The following HECW2 variants were observed in gnomAD, a reference collection of about 807,000 sequenced individuals.
The protein encoded by HECW2 is E3 ubiquitin-protein ligase HECW2.
Under a neutral mutation model 175.2 loss-of-function variants are expected in HECW2, and 61 were observed. That is an observed-to-expected ratio of 0.35 (90% CI 0.28 to 0.43). The LOEUF is 0.43. Among genes scored for constraint, HECW2 ranks in the 20% least tolerant of loss-of-function variants. The pLI, the probability that HECW2 is intolerant of heterozygous loss-of-function variation, is 1.00. For missense variants in HECW2, 1,524 were observed against 2,000.5 expected, an observed-to-expected ratio of 0.76 and a Z score of 4.54; for synonymous variants, 671 against 731.0, an observed-to-expected ratio of 0.92 and a Z score of 1.32.
chr2:196,368,967 T>G (rs1175983842), intron 2 of HECW2, among the ~76,000 whole-genome samples: 1 of 152,172 alleles, frequency 6.6e-6, no homozygotes, highest in Non-Finnish European at 1.5e-5. Context: ...TCTCCAGGAT[T>G]GGTCACCAGT....
chr2:196,313,057 A>G (rs1199179542), intron 10 of HECW2, among the ~76,000 whole-genome samples: 1 of 152,234 alleles, frequency 6.6e-6, no homozygotes, highest in African/African-American at 2.4e-5. Flanking sequence ...GGATCCTATC[A>G]GAGTCCACTA....
chr2:196,516,165 C>G (rs114719257), intron 1 of HECW2, among the ~76,000 whole-genome samples: 1,857 of 152,056 alleles, frequency 0.012, 44 homozygotes, highest in African/African-American at 0.043. Context: ...AAACAAAAAC[C>G]TGAAATATTT....
rs1575409255 is a variant in HECW2, at chr2:196,319,339, T to G, written c.1551A>C (p.Glu517Asp). Residue 517 changes from glutamate (E) to aspartate (D), a missense_variant, in exon 9 of 29, where the codon GAA (glutamate) becomes GAC (aspartate). Coordinates refer to ENST00000644978, the MANE Select transcript of HECW2 (RefSeq NM_001348768.2). ...AGGAAGCAGCTTCGTGTGTGGAGGC[T>G]TCCTCATTCTCAACAGGGTTGTCCT... ...KLEDNPVENEEASTHEAASFE... is the reference protein window; with the variant it reads ...KLEDNPVENEDASTHEAASFE... The G allele has an allele frequency of 6.2e-7, 1 of 1,614,178 alleles. No homozygotes were observed. Among genetic ancestry groups the G allele is most frequent in the Non-Finnish European group, 8.5e-7 (1 of 1,180,028 alleles).
chr2:196,329,691 T>C (rs1413621559), intron 4 of HECW2, 41 bp from the exon 5 acceptor site: 2 of 1,509,304 alleles, frequency 1.3e-6, no homozygotes, highest in Middle Eastern at 1.7e-4. Context: ...CAGAAGCATA[T>C]GATGCCACTG....
intron 2 of HECW2, among the ~76,000 whole-genome samples, chr2:196,413,781 ACT>A (rs1405096707): frequency 6.6e-6 from 1 of 152,000 alleles, no homozygotes; most frequent in African/African-American, 2.4e-5. Flanking sequence ...GCTCTTTTCC[ACT>A]CTCTAATCTG....
intron 1 of HECW2, among the ~76,000 whole-genome samples, chr2:196,514,341 C>T (rs576408021): frequency 1.7e-4 from 26 of 152,314 alleles, no homozygotes; most frequent in Non-Finnish European, 3.5e-4. Context: ...TGGGCACCAA[C>T]CAGCACAGGA....
chr2:196,348,639 C>A (rs1046947162), intron 2 of HECW2, among the ~76,000 whole-genome samples: 5 of 151,884 alleles, frequency 3.3e-5, no homozygotes, highest in African/African-American at 1.2e-4. Flanking sequence ...CAGAGCAAGA[C>A]CCTAACTCAA....
chr2:196,284,891 A>G (rs970179830), intron 14 of HECW2, among the ~76,000 whole-genome samples: 21 of 152,198 alleles, frequency 1.4e-4, no homozygotes, highest in African/African-American at 5.1e-4. Context: ...TCCTTTTCAC[A>G]TTGGCTACTA....
In HECW2 at chr2:196,404,979, C is replaced by T. The variant is rs1307995862; in HGVS notation, c.292+28153G>A. ...AGCTGGGACTACAGGTGTCCGCCAC[C>T]ACTCCCGGCAAATTTTTTTTTTTTT... On this transcript the variant is annotated intron_variant, in intron 2 of 28. Transcript: ENST00000644978. 5.1e-5 allele frequency among the ~76,000 whole-genome samples: 6 copies of T among 118,128 alleles called. No homozygotes were observed. In the East Asian group the frequency reaches 1.5e-3, roughly 30 times the overall value. The allele number at this position is 118,128 out of a possible 152,430, so 77.5% of individuals were successfully genotyped here.
Position 196,331,391 on chromosome 2 carries a change from T to TGA in HECW2, c.496-1743_496-1742dup, listed in dbSNP as rs540755930. 5.1e-4 allele frequency: 278 copies of TGA among 546,752 alleles called. 1 individual carries two copies. The African/African-American group carries it at 5.3e-3, about 10-fold the overall frequency. 33.9% of individuals were successfully genotyped at this position (546,752 alleles called of 1,614,324 possible). The stretch of plus-strand genomic sequence containing the variant: ...ACCACACACTACGCTGGACTATGAC[T>TGA]GAGACACACCCTCGGTAACCTGCCA... On this transcript the variant is annotated intron_variant, in intron 4 of 28. Coordinates refer to ENST00000644978, the MANE Select transcript of HECW2 (RefSeq NM_001348768.2).
rs1028059712 is a variant in HECW2 at position 196,199,643 on chromosome 2, C to T, written c.*1634G>A. The T allele has an allele frequency of 4.6e-5, 7 of 152,428 alleles. No homozygotes were observed. The highest frequency in any genetic ancestry group is 7.4e-5 in the Non-Finnish European group (5 of 68,002). 9.4% of individuals were successfully genotyped at this position (152,428 alleles called of 1,614,324 possible). A position where few individuals can be genotyped will look rare whatever the true frequency, so the allele number is the denominator to read the frequency against. On this transcript the variant is annotated 3_prime_UTR_variant, in exon 29 of 29. Coordinates refer to ENST00000644978, the MANE Select transcript of HECW2 (RefSeq NM_001348768.2). ...GAAATGTTTGGGCAATGCCTGTAAACCCATAGGCTGGCAAACCATATGTCA... is the reference window on the plus strand; with the variant it reads ...GAAATGTTTGGGCAATGCCTGTAAATCCATAGGCTGGCAAACCATATGTCA...
chr2:196,295,441 T>G (rs1368064103), intron 13 of HECW2, among the ~76,000 whole-genome samples: 1 of 152,180 alleles, frequency 6.6e-6, no homozygotes, highest in Non-Finnish European at 1.5e-5. Flanking sequence ...CAAGTTAGAG[T>G]CCTGAGACCA....
At chr2:196,440,005 A>C (rs1695993482) in intron 1 of HECW2, among the ~76,000 whole-genome samples, 1 of 152,210 alleles carries the variant, frequency 6.6e-6, no homozygotes, top group Non-Finnish European at 1.5e-5. Flanking sequence ...AATTAGGACT[A>C]AATTGTGGAT....
chr2:196,290,937 T>C (rs1690580211), intron 14 of HECW2: 1 of 152,204 alleles, frequency 6.6e-6, no homozygotes. Context: ...CCACTTCTAA[T>C]CTTCTCTTGG....
intron 17 of HECW2, among the ~76,000 whole-genome samples, chr2:196,268,190 A>C (rs1285688983): frequency 6.6e-6 from 1 of 152,228 alleles, no homozygotes; most frequent in African/African-American, 2.4e-5. Flanking sequence ...AACTTGACAG[A>C]AAATGAAAGT....
intron 5 of HECW2, among the ~76,000 whole-genome samples, chr2:196,326,682 C>A (rs1692164947): frequency 6.6e-6 from 1 of 151,964 alleles, no homozygotes. Context: ...GACCTCATGA[C>A]CTGCCCACCT....
At chr2:196,521,089 A>G (rs927851693) in intron 1 of HECW2, among the ~76,000 whole-genome samples, 1 of 152,146 alleles carries the variant, frequency 6.6e-6, no homozygotes, top group Non-Finnish European at 1.5e-5. Context: ...AAGCTAACGT[A>G]GTAGGTACTA....
intron 2 of HECW2, among the ~76,000 whole-genome samples, chr2:196,425,602 A>C (rs1031003620): frequency 6.6e-6 from 1 of 152,086 alleles, no homozygotes; most frequent in African/African-American, 2.4e-5. Flanking sequence ...AGTCACTGTA[A>C]ATGTGGTAGA....
chr2:196,257,492 C>CT (rs1442989941), intron 18 of HECW2, among the ~76,000 whole-genome samples: 1 of 152,164 alleles, frequency 6.6e-6, no homozygotes, highest in African/African-American at 2.4e-5. Context: ...AGGGTAAACA[C>CT]TGAGGGGTAA....
Sources: gnomAD v4.1 joint callset for allele counts (sites outside exome capture counted in the v4.1 genomes callset) on GRCh38, gnomAD v4.1.1 for gene constraint, MANE v1.5 for transcripts, NCBI Gene and HGNC (gene_info 2026-07-23, HGNC 2026-07-21) for gene names.